PLXDC2: variants seen among roughly 807,000 people sequenced by gnomAD.
The protein encoded by PLXDC2 is plexin domain containing 2, also known as plexin domain-containing protein 2.
In PLXDC2, 40 loss-of-function variants were observed where a neutral mutation model predicts 68.9. The observed-to-expected ratio is 0.58, with a 90% confidence interval of 0.45 to 0.76. The LOEUF (loss-of-function observed/expected upper bound fraction) is 0.76, where lower values mean the gene tolerates loss of function less well. Among genes scored for constraint, PLXDC2 ranks in the 30% least tolerant of loss-of-function variants. PLXDC2 has a pLI of 0.00. For synonymous variants in PLXDC2, 243 were observed against 234.2 expected (o/e 1.04, Z -0.34); for missense variants, 644 against 661.9 (o/e 0.97, Z 0.30).
At chr10:20,184,308 C>T (rs1021236166) in intron 9 of PLXDC2, among the ~76,000 whole-genome samples, 3 of 149,142 alleles carry the variant, frequency 2.0e-5, no homozygotes, top group African/African-American at 7.3e-5. Context: ...TAAAAGTAGG[C>T]GCCAGTGTTA....
At chr10:20,224,363 C>T (rs1484933965) in intron 12 of PLXDC2, among the ~76,000 whole-genome samples, 1 of 152,124 alleles carries the variant, frequency 6.6e-6, no homozygotes, top group Non-Finnish European at 1.5e-5. Context: ...GCATTTATAA[C>T]ATTTCTTTTG....
chr10:20,223,558 C>CAAG (rs1319758878), intron 12 of PLXDC2, among the ~76,000 whole-genome samples: 2 of 152,106 alleles, frequency 1.3e-5, no homozygotes, highest in African/African-American at 2.4e-5. Flanking sequence ...GGTGATCCAC[C>CAAG]TGCCTTGGCC....
chr10:20,169,956 G>A lies in PLXDC2; in HGVS notation c.883+5389G>A, dbSNP rs186813621. 3.2e-3 allele frequency among the ~76,000 whole-genome samples: 494 copies of A among 152,216 alleles called. 1 individual carries two copies. Among genetic ancestry groups the A allele is most frequent in the Non-Finnish European group, 4.6e-3 (312 of 68,022 alleles). On this transcript the variant is annotated intron_variant, in intron 7 of 13. Coordinates refer to ENST00000377252, the MANE Select transcript of PLXDC2 (RefSeq NM_032812.9). ...CTTAACATCAGGCCTCTTCGTATCA[G>A]TATCTACTGTTTTAAATTTATTGAC...
rs967520607 is a variant in PLXDC2 at position 20,288,958 on chromosome 10, A to C, written c.*9139A>C. Reference sequence around the variant, plus strand: ...TACAGTAGGAGTCAACAAATTTGGGATTTTAGAAGGGGGAGGAGGGAGCTA... The same window carrying C: ...TACAGTAGGAGTCAACAAATTTGGGCTTTTAGAAGGGGGAGGAGGGAGCTA... On this transcript the variant is annotated 3_prime_UTR_variant, in exon 14 of 14. Coordinates refer to ENST00000377252, the MANE Select transcript of PLXDC2 (RefSeq NM_032812.9). The C allele has an allele frequency of 6.6e-6, 1 of 152,116 alleles. No homozygotes were observed. Among genetic ancestry groups the C allele is most frequent in the Non-Finnish European group, 1.5e-5 (1 of 68,026 alleles). The allele number at this position is 152,116 out of a possible 1,614,324, so 9.4% of individuals were successfully genotyped here. A position where few individuals can be genotyped will look rare whatever the true frequency, so the allele number is the denominator to read the frequency against.
intron 12 of PLXDC2, among the ~76,000 whole-genome samples, chr10:20,228,288 C>T (rs909348125): frequency 1.3e-4 from 20 of 152,048 alleles, no homozygotes; most frequent in Admixed American, 3.9e-4. Flanking sequence ...TGACTAGGCA[C>T]GGTGGCTCAC....
rs1835027942 is a variant in PLXDC2 at position 20,006,292 on chromosome 10, T to G, written c.324+4306T>G. Among the ~76,000 whole-genome samples the G allele has an allele frequency of 3.3e-5, 5 of 152,214 alleles. No individual in the cohort carries two copies. The South Asian group carries it at 1.0e-3, about 32-fold the overall frequency. ...AGAAAGAAACCAAATGGTTATAAAG[T>G]GAATACTCTGTGCCTGGCATTGTTA... On this transcript the variant is annotated intron_variant, in intron 2 of 13. Transcript: ENST00000377252.
chr10:20,093,963 A>G (rs1303417591), intron 4 of PLXDC2, among the ~76,000 whole-genome samples: 2 of 152,222 alleles, frequency 1.3e-5, no homozygotes, highest in East Asian at 1.9e-4. Flanking sequence ...ATGAGCCACC[A>G]TGCCTGGCCA....
In PLXDC2 at chr10:20,202,318, A is replaced by G. The variant is rs11011863; in HGVS notation, c.1062-9351A>G. ...GTTTATTCTAAAGAGGTTCAAAGAC[A>G]CTATATTGGAGAAATTTTAATTGAA... On this transcript the variant is annotated intron_variant, in intron 9 of 13. Coordinates refer to ENST00000377252, the MANE Select transcript of PLXDC2 (RefSeq NM_032812.9). Among the ~76,000 whole-genome samples the G allele has an allele frequency of 2.6e-5, 4 of 151,944 alleles. No homozygotes were observed. In the East Asian group the frequency reaches 7.8e-4, roughly 30 times the overall value.
intron 2 of PLXDC2, among the ~76,000 whole-genome samples, chr10:20,033,050 GA>G (rs1316558723): frequency 7.5e-6 from 1 of 133,214 alleles, no homozygotes; most frequent in African/African-American, 2.7e-5. Flanking sequence ...GGGGGAGGGG[GA>G]AGGGATAGCA....
intron 7 of PLXDC2, among the ~76,000 whole-genome samples, chr10:20,170,423 C>G (rs1834432213): frequency 6.6e-6 from 1 of 152,146 alleles, no homozygotes; most frequent in Admixed American, 6.5e-5. Flanking sequence ...CTCCTGACCT[C>G]AAGTGATCCT....
chr10:20,080,997 G>T (rs1267748159), intron 4 of PLXDC2, among the ~76,000 whole-genome samples: 1 of 152,206 alleles, frequency 6.6e-6, no homozygotes, highest in Non-Finnish European at 1.5e-5. Flanking sequence ...TTAAACTTCT[G>T]TGGGCTTGAG....
At chr10:20,100,678 A>T (rs147826923) in intron 4 of PLXDC2, among the ~76,000 whole-genome samples, 10 of 152,288 alleles carry the variant, frequency 6.6e-5, no homozygotes, top group Middle Eastern at 3.4e-3. Flanking sequence ...AACACAGGTG[A>T]CAGAAAGGAA....
chr10:20,164,026 A>G (rs940433561), intron 6 of PLXDC2, among the ~76,000 whole-genome samples: 1 of 152,194 alleles, frequency 6.6e-6, no homozygotes, highest in African/African-American at 2.4e-5. Context: ...TTTTATATCT[A>G]TAAGACTGCT....
chr10:20,246,431 C>A (rs185244237), intron 13 of PLXDC2, among the ~76,000 whole-genome samples: 108 of 152,334 alleles, frequency 7.1e-4, no homozygotes, highest in Admixed American at 2.0e-3. Flanking sequence ...CTCACTGCAA[C>A]CTCTGCCTTC....
intron 13 of PLXDC2, among the ~76,000 whole-genome samples, chr10:20,251,061 A>G (rs1835668961): frequency 6.6e-6 from 1 of 152,196 alleles, no homozygotes; most frequent in Non-Finnish European, 1.5e-5. Context: ...AACTGTATAC[A>G]TCCCATGTCT....
intron 1 of PLXDC2, among the ~76,000 whole-genome samples, chr10:19,867,906 A>G (rs893213161): frequency 6.6e-6 from 1 of 152,226 alleles, no homozygotes; most frequent in Admixed American, 6.5e-5. Context: ...TTTGTTGTCA[A>G]CATTAATAAA....
chr10:20,214,075 A>G (rs1166093053), intron 10 of PLXDC2, among the ~76,000 whole-genome samples: 1 of 152,142 alleles, frequency 6.6e-6, no homozygotes, highest in African/African-American at 2.4e-5. Context: ...AACATTTTTC[A>G]TATCTAAAAT....
intron 1 of PLXDC2, among the ~76,000 whole-genome samples, chr10:19,928,647 C>A (rs1833578802): frequency 6.6e-6 from 1 of 151,322 alleles, no homozygotes; most frequent in South Asian, 2.1e-4. Context: ...GACCTTGCTG[C>A]ATTTGAGAGA....
chr10:19,985,300 T>G (rs1834617092), intron 1 of PLXDC2, among the ~76,000 whole-genome samples: 1 of 152,244 alleles, frequency 6.6e-6, no homozygotes, highest in Non-Finnish European at 1.5e-5. Flanking sequence ...CCTTTCTACC[T>G]GTTGAAATAT....
Sources: gnomAD v4.1 joint callset for allele counts (sites outside exome capture counted in the v4.1 genomes callset) on GRCh38, gnomAD v4.1.1 for gene constraint, MANE v1.5 for transcripts, NCBI Gene and HGNC (gene_info 2026-07-23, HGNC 2026-07-21) for gene names.